Variants in OPA1 observed in about 807,000 individuals in gnomAD.
OPA1 encodes the protein OPA1 mitochondrial dynamin like GTPase.
In OPA1, 59 loss-of-function variants were observed where a neutral mutation model predicts 152.9. That is an observed-to-expected ratio of 0.39 (90% confidence interval 0.31 to 0.48). The LOEUF is 0.48. OPA1 is among the 20% of genes least tolerant of loss of function. The pLI is 0.96. For synonymous variants in OPA1, 400 were observed against 389.9 expected (o/e 1.03, Z -0.31); for missense variants, 1,008 against 1,216.8 (o/e 0.83, Z 2.55).
intron 2 of OPA1, 31 bp from the exon 3 acceptor site, chr3:193,615,643 C>T: frequency 8.6e-7 from 1 of 1,156,632 alleles, no homozygotes; most frequent in East Asian, 2.3e-5. Flanking sequence ...GCATGCAGAG[C>T]ATCTGATTGA....
intron 29 of OPA1, among the ~76,000 whole-genome samples, chr3:193,682,229 G>A (rs1720261672): frequency 6.6e-6 from 1 of 152,286 alleles, no homozygotes. Context: ...CTAATCCAGA[G>A]CAAGTTCCTA....
At chr3:193,634,299 T>G (rs1264399383) in intron 8 of OPA1, among the ~76,000 whole-genome samples, 1 of 152,112 alleles carries the variant, frequency 6.6e-6, no homozygotes, top group African/African-American at 2.4e-5. Context: ...AAAACCTGTT[T>G]AGACATATTA....
rs750518068 is a variant in OPA1 at position 193,666,357 on chromosome 3, A to C, written c.2840A>C (p.Asn947Thr). Residue 947 changes from asparagine (N) to threonine (T), a missense_variant, in exon 28 of 31, where the codon AAT becomes ACT. Coordinates refer to ENST00000361510, the MANE Select transcript of OPA1 (RefSeq NM_130837.3). ...RIQRMLAITA[N>T]TLRQQLTNTE... The stretch of plus-strand genomic sequence containing the variant: ...CAGCGCATGCTTGCTATCACCGCAA[A>C]TACTTTAAGGCAACAACTTACAAAT... The C allele has an allele frequency of 1.6e-5, 26 of 1,614,156 alleles. No homozygotes were observed. Among genetic ancestry groups the C allele is most frequent in the Non-Finnish European group, 2.1e-5 (25 of 1,180,002 alleles).
chr3:193,631,463 C>A, intron 7 of OPA1, 149 bp from the exon 8 acceptor site: 1 of 584,444 alleles, frequency 1.7e-6, no homozygotes, highest in Non-Finnish European at 3.0e-6. Context: ...TTTTTACTTT[C>A]TTAAATCACT....
At chr3:193,678,260 T>A (rs781689437) in intron 29 of OPA1, among the ~76,000 whole-genome samples, 1 of 152,322 alleles carries the variant, frequency 6.6e-6, no homozygotes, top group South Asian at 2.1e-4. Context: ...GTGTCATATA[T>A]ACAGATCTGT....
intron 10 of OPA1, 48 bp downstream of exon 10, chr3:193,637,329 C>T: frequency 8.4e-7 from 1 of 1,185,374 alleles, no homozygotes; most frequent in South Asian, 1.2e-5. Context: ...AAAAAAGAAG[C>T]AGCTTAGCTT....
intron 6 of OPA1, chr3:193,619,464 C>G (rs1197057044): frequency 1.9e-5 from 3 of 153,960 alleles, no homozygotes; most frequent in Non-Finnish European, 4.3e-5. Flanking sequence ...TGATAGTTAA[C>G]AAAGTTATGT....
Position 193,659,493 on chromosome 3 carries a change from A to G in OPA1, c.2452A>G (p.Ile818Val), listed in dbSNP as rs771263962. 1.3e-5 allele frequency: 21 copies of G among 1,610,380 alleles called. No individual in the cohort carries two copies. Among genetic ancestry groups the G allele is most frequent in the Non-Finnish European group, 1.7e-5 (20 of 1,177,960 alleles). Residue 818 changes from isoleucine (I) to valine (V), a missense_variant, in exon 25 of 31, where the codon ATT becomes GTT. Ile to Val is a conservative substitution (Grantham distance 29). Around this residue, in one of 7 missense-constraint regions of OPA1, gnomAD observed 229 missense variants for 269.0 expected, o/e 0.85. Coordinates refer to ENST00000361510, the MANE Select transcript of OPA1 (RefSeq NM_130837.3). ...ATTTTTTTTTCTAGCTGAAAATGCA[A>G]TTGAAAACATGGTGGGTCCAGACTG... ...QARLKDTENA[I>V]ENMVGPDWKK...
chr3:193,631,003 C>T (rs1330156284), intron 7 of OPA1, among the ~76,000 whole-genome samples: 3 of 152,002 alleles, frequency 2.0e-5, no homozygotes, highest in Non-Finnish European at 2.9e-5. Context: ...CTCTGTGTTA[C>T]GAGTTAGCAG....
intron 1 of OPA1, among the ~76,000 whole-genome samples, chr3:193,595,688 G>A (rs919745904): frequency 6.6e-5 from 10 of 152,084 alleles, no homozygotes; most frequent in African/African-American, 2.4e-4. Context: ...TGTGGGTTTG[G>A]TTTTGTTTTC....
chr3:193,618,496 A>AT (rs1729433446), intron 5 of OPA1: 3 of 209,358 alleles, frequency 1.4e-5, no homozygotes, highest in Non-Finnish European at 2.9e-5. Context: ...AAAAAAAAAA[A>AT]GAAAAGAAAA....
chr3:193,628,495 T>C (rs1009909610), intron 7 of OPA1: 4 of 152,174 alleles, frequency 2.6e-5, no homozygotes, highest in Non-Finnish European at 5.9e-5. Flanking sequence ...CTAGTAAAGG[T>C]TTTTCTCTTT....
chr3:193,648,982 G>T, intron 21 of OPA1, 111 bp downstream of exon 21: 1 of 777,780 alleles, frequency 1.3e-6, no homozygotes, highest in Non-Finnish European at 2.2e-6. Context: ...TTGGCTCATA[G>T]GCAAAAACGT....
chr3:193,663,548 G>A (rs1050388572), intron 26 of OPA1, among the ~76,000 whole-genome samples: 3 of 151,940 alleles, frequency 2.0e-5, no homozygotes, highest in Non-Finnish European at 4.4e-5. Context: ...TCGGGCCCAC[G>A]TTTTTTAAAA....
rs1282452294 is a variant in OPA1, at chr3:193,614,805, A to G, written c.115A>G (p.Ser39Gly). 4 of 1,606,696 alleles carry G rather than the reference A, an allele frequency of 2.5e-6. No individual in the cohort carries two copies. In the African/African-American group the frequency reaches 5.3e-5, roughly 21 times the overall value. Residue 39 changes from serine (S) to glycine (G), a missense_variant, in exon 2 of 31, where the codon AGC becomes GGC. Around this residue, in one of 7 missense-constraint regions of OPA1, gnomAD observed 408 missense variants for 395.1 expected, o/e 1.03. Coordinates refer to ENST00000361510, the MANE Select transcript of OPA1 (RefSeq NM_130837.3). The part of the protein sequence containing the change: ...PLQKLHLVSR[S>G]IYHSHHPTLK... Reference sequence around the variant, plus strand: ...ACAAAAACTACATCTGGTTTCACGAAGCATTTATCATTCACATCATCCTAC... The same window carrying G: ...ACAAAAACTACATCTGGTTTCACGAGGCATTTATCATTCACATCATCCTAC...
chr3:193,594,377 C>T (rs1433353952), intron 1 of OPA1, among the ~76,000 whole-genome samples: 1 of 152,090 alleles, frequency 6.6e-6, no homozygotes, highest in African/African-American at 2.4e-5. Context: ...GAATGGAATG[C>T]ATTCGTTAGT....
chr3:193,618,830 T>C (rs1729505413), intron 5 of OPA1, 39 bp from the exon 6 acceptor site: 17 of 1,511,964 alleles, frequency 1.1e-5, no homozygotes, highest in Non-Finnish European at 1.5e-5. Context: ...GCTGTTGACA[T>C]CACTGGAGAA....
rs76596062 is a variant in OPA1, at chr3:193,614,290, T to C, written c.33-433T>C. On this transcript the variant is annotated intron_variant, in intron 1 of 30. Transcript: ENST00000361510. ...TGCATGCATTTTTGTTTTCAACTTT[T>C]ACTTACAGTGAATAGTAGTTAATAA... Among the ~76,000 whole-genome samples the C allele has an allele frequency of 7.3e-3, 1,106 of 152,364 alleles. 9 individuals carry two copies. The highest frequency in any genetic ancestry group is 0.021 in the African/African-American group (893 of 41,586).
intron 1 of OPA1, among the ~76,000 whole-genome samples, chr3:193,595,283 T>C (rs1209186599): frequency 6.6e-6 from 1 of 152,226 alleles, no homozygotes; most frequent in African/African-American, 2.4e-5. Flanking sequence ...TGTAAATACA[T>C]GCTCATGGAC....
Sources: gnomAD v4.1 joint callset for allele counts (sites outside exome capture counted in the v4.1 genomes callset) on GRCh38, gnomAD v4.1.1 for gene constraint, gnomAD v4.1.1 regional missense constraint, MANE v1.5 for transcripts, NCBI Gene and HGNC (gene_info 2026-07-23, HGNC 2026-07-21) for gene names.